The following GPM6A variants were observed in gnomAD, a reference collection of about 807,000 sequenced individuals.
GPM6A encodes glycoprotein M6A.
In GPM6A, 7 loss-of-function variants were observed where a neutral mutation model predicts 32.1. That is an observed-to-expected ratio of 0.22 (90% CI 0.12 to 0.41). The LOEUF is 0.41. Ranked by LOEUF, GPM6A falls within the 10% of genes least tolerant of loss-of-function variation. GPM6A has a pLI of 1.00. For synonymous variants in GPM6A, 130 were observed against 123.4 expected (o/e 1.05, Z -0.35); for missense variants, 235 against 347.2 (o/e 0.68, Z 2.57).
intron 1 of GPM6A, among the ~76,000 whole-genome samples, chr4:175,748,814 G>C (rs1225727889): frequency 6.6e-6 from 1 of 152,132 alleles, no homozygotes; most frequent in African/African-American, 2.4e-5. Flanking sequence ...GCAATATAAG[G>C]ATGTTTTGTC....
At chr4:175,991,507 A>C (rs2126461018) in intron 1 of GPM6A, among the ~76,000 whole-genome samples, 1 of 152,320 alleles carries the variant, frequency 6.6e-6, no homozygotes, top group South Asian at 2.1e-4. Flanking sequence ...ACTGAAAAAA[A>C]GAATGCAGAA....
At chr4:175,637,711 ATATT>A (rs1349654817) in intron 6 of GPM6A, among the ~76,000 whole-genome samples, 1 of 2,822 alleles carries the variant, frequency 3.5e-4, no homozygotes, top group South Asian at 6.6e-3. Context: ...TATATTATAT[ATATT>A]TATATATAAT....
At chr4:175,899,963 C>A (rs965078682) in intron 1 of GPM6A, among the ~76,000 whole-genome samples, 1 of 152,068 alleles carries the variant, frequency 6.6e-6, no homozygotes, top group Non-Finnish European at 1.5e-5. Context: ...TATTTGCAAA[C>A]TACCCATCTG....
At chr4:175,948,899 T>C (rs1484251111) in intron 1 of GPM6A, among the ~76,000 whole-genome samples, 1 of 137,048 alleles carries the variant, frequency 7.3e-6, no homozygotes, top group Non-Finnish European at 1.5e-5. Flanking sequence ...CAAGCAATAA[T>C]TTCCTGATAA....
chr4:175,709,677 G>A lies in GPM6A; in HGVS notation c.38-7910C>T, dbSNP rs1021974750. Among the ~76,000 whole-genome samples, 8 of 143,498 alleles carry A rather than the reference G, an allele frequency of 5.6e-5. No individual in the cohort carries two copies. In the East Asian group the frequency reaches 1.2e-3, roughly 22 times the overall value. 94.1% of individuals were successfully genotyped at this position (143,498 alleles called of 152,430 possible). On this transcript the variant is annotated intron_variant, in intron 1 of 6. Coordinates refer to ENST00000393658, the MANE Select transcript of GPM6A (RefSeq NM_201591.3). ...CGGGAGGTGGAAGTTTCAGTGAGCCGAGATCATGCCATTGCACTCCAGCCT... is the reference window on the plus strand; with the variant it reads ...CGGGAGGTGGAAGTTTCAGTGAGCCAAGATCATGCCATTGCACTCCAGCCT...
chr4:175,914,148 A>G (rs1483719474), intron 1 of GPM6A, among the ~76,000 whole-genome samples: 2 of 148,374 alleles, frequency 1.3e-5, no homozygotes, highest in East Asian at 2.0e-4. Context: ...AGAGAAAAGG[A>G]AAAAAAAATG....
rs774922267 is a variant in GPM6A at position 175,634,986 on chromosome 4, T to G, written c.756A>C (p.Glu252Asp). The change falls in exon 7 of 7, where the codon GAA becomes GAC. Residue 252 changes from glutamate to aspartate, a missense_variant. This residue lies in a region of GPM6A where 27 missense variants were observed against 59.4 expected (regional missense o/e 0.45). Coordinates refer to ENST00000393658, the MANE Select transcript of GPM6A (RefSeq NM_201591.3). ...CTTGCTCTTCCTTCGACTTGATGTC[T>G]TCATACTTCTGCATCCGGCAGGCGT... ...VKDACRMQKY[E>D]DIKSKEEQEL... The G allele has an allele frequency of 1.2e-6, 2 of 1,613,824 alleles. No individual in the cohort carries two copies. The highest frequency in any genetic ancestry group is 2.2e-5 in the South Asian group (2 of 91,074).
intron 1 of GPM6A, among the ~76,000 whole-genome samples, chr4:175,940,627 G>A (rs1017106721): frequency 1.3e-5 from 2 of 152,128 alleles, no homozygotes; most frequent in African/African-American, 4.8e-5. Context: ...GTCCCCCCGA[G>A]ATGGAGTGTC....
At chr4:175,783,760 CA>C (rs869210548) in intron 1 of GPM6A, among the ~76,000 whole-genome samples, 9 of 117,836 alleles carry the variant, frequency 7.6e-5, no homozygotes, top group African/African-American at 2.1e-4. Flanking sequence ...TATTTACAGA[CA>C]AAAAAATAGA....
rs369380418 is a variant in GPM6A, at chr4:175,639,524, G to T, written c.684+605C>A. Among the ~76,000 whole-genome samples the T allele has an allele frequency of 2.6e-5, 4 of 152,160 alleles. No homozygotes were observed. The South Asian group carries it at 8.3e-4, about 32-fold the overall frequency. On this transcript the variant is annotated intron_variant, in intron 6 of 6. Transcript: ENST00000393658. The stretch of plus-strand genomic sequence containing the variant: ...ACTGACACTCAGAGCACTTGCTCAG[G>T]GTTGATATTTGGCATTCCAGTGGGC...
At chr4:175,648,113 C>CT (rs149725391) in intron 4 of GPM6A, among the ~76,000 whole-genome samples, 1,743 of 151,460 alleles carry the variant, frequency 0.012, 33 homozygotes, top group African/African-American at 0.04. Flanking sequence ...ACATTCTTTT[C>CT]TTTTTTTAAA....
intron 1 of GPM6A, among the ~76,000 whole-genome samples, chr4:175,898,398 T>A (rs1023525673): frequency 2.0e-5 from 3 of 152,174 alleles, no homozygotes. Context: ...TTACTTACTA[T>A]ATTCACTGGG....
chr4:175,800,815 G>A (rs182858370), intron 1 of GPM6A: 6 of 197,548 alleles, frequency 3.0e-5, no homozygotes, highest in Admixed American at 4.6e-5. Flanking sequence ...ATCTAAAAGA[G>A]AACCCCCTCA....
At chr4:175,863,233 A>G (rs1736626322) in intron 1 of GPM6A, among the ~76,000 whole-genome samples, 5 of 152,096 alleles carry the variant, frequency 3.3e-5, no homozygotes, top group African/African-American at 1.2e-4. Flanking sequence ...TTTGTGATCC[A>G]TAGTTTCCTC....
intron 1 of GPM6A, among the ~76,000 whole-genome samples, chr4:175,888,193 C>G (rs1274008682): frequency 1.3e-5 from 2 of 151,870 alleles, no homozygotes; most frequent in Admixed American, 1.3e-4. Flanking sequence ...ATACATCATA[C>G]AGATTTAAGA....
chr4:175,793,601 C>G (rs1291712803), intron 1 of GPM6A, among the ~76,000 whole-genome samples: 1 of 152,130 alleles, frequency 6.6e-6, no homozygotes, highest in Non-Finnish European at 1.5e-5. Context: ...GTCTCAAACT[C>G]CTGACCTCAG....
chr4:175,636,001 T>C (rs1316765546), intron 6 of GPM6A, among the ~76,000 whole-genome samples: 2 of 151,922 alleles, frequency 1.3e-5, no homozygotes, highest in Non-Finnish European at 2.9e-5. Flanking sequence ...CAGATGGATA[T>C]AAAGAATGCA....
intron 1 of GPM6A, among the ~76,000 whole-genome samples, chr4:175,780,921 G>A (rs1482648810): frequency 6.6e-6 from 1 of 152,076 alleles, no homozygotes; most frequent in Non-Finnish European, 1.5e-5. Context: ...ACTCAGATTA[G>A]TCAGGTTAAA....
intron 4 of GPM6A, chr4:175,641,439 A>C (rs1741138150): frequency 6.6e-6 from 1 of 152,554 alleles, no homozygotes; most frequent in Non-Finnish European, 1.5e-5. Flanking sequence ...GGAATCTATG[A>C]ATATTAGGCC....
Sources: allele counts gnomAD v4.1 joint callset (sites outside exome capture counted in the v4.1 genomes callset), GRCh38; gene constraint gnomAD v4.1.1; regional missense constraint gnomAD v4.1.1; transcripts MANE v1.5; gene names NCBI Gene and HGNC (gene_info 2026-07-23, HGNC 2026-07-21).